BACH2: variants seen among roughly 807,000 people sequenced by gnomAD.
The protein encoded by BACH2 is BACH transcriptional regulator 2.
In BACH2, 5 loss-of-function variants were observed where a neutral mutation model predicts 61.8. That is an observed-to-expected ratio of 0.08 (90% CI 0.04 to 0.17). The LOEUF is 0.17. BACH2 is among the 10% of genes least tolerant of loss of function. The pLI is 1.00. For synonymous variants in BACH2, 446 were observed against 440.1 expected (o/e 1.01, Z -0.17); for missense variants, 824 against 1,091.1 (o/e 0.76, Z 3.45).
chr6:90,231,802 C>G (rs940572336), intron 3 of BACH2, among the ~76,000 whole-genome samples: 14 of 152,146 alleles, frequency 9.2e-5, no homozygotes, highest in African/African-American at 3.4e-4. Flanking sequence ...TGGGCTGGTC[C>G]TCAAAGTGAG....
At chr6:90,113,711 G>C (rs1268138816) in intron 4 of BACH2, among the ~76,000 whole-genome samples, 2 of 151,082 alleles carry the variant, frequency 1.3e-5, no homozygotes, top group East Asian at 3.9e-4. Flanking sequence ...ATTGAGACAT[G>C]AAAATTCAAA....
intron 5 of BACH2, among the ~76,000 whole-genome samples, chr6:90,030,162 C>T (rs1184489025): frequency 6.6e-6 from 1 of 152,162 alleles, no homozygotes; most frequent in Admixed American, 6.5e-5. Context: ...TCTGATCCCA[C>T]CCCCTTATGT....
rs1384497232 is a variant in BACH2 at position 89,932,512 on chromosome 6, C to T, written c.2422G>A (p.Gly808Arg). The change falls in exon 9 of 9, where the codon GGA becomes AGA. Residue 808 changes from glycine to arginine, a missense_variant. Physicochemically the swap from Gly to Arg is moderately radical, Grantham distance 125. Coordinates refer to ENST00000257749, the MANE Select transcript of BACH2 (RefSeq NM_021813.4). ...GTDPGTFSER[G>R]PPLEPRSQTV... ...TGGCTCCTGGGTTCAAGAGGAGGTC[C>T]TCTCTCTGAGAAGGTTCCCGGGTCA... is the stretch of plus-strand genomic sequence containing the variant. 6.2e-7 allele frequency: 1 copy of T among 1,614,060 alleles called. No homozygotes were observed. The highest frequency in any genetic ancestry group is 2.2e-5 in the East Asian group (1 of 44,870).
intron 3 of BACH2, among the ~76,000 whole-genome samples, chr6:90,247,678 C>A (rs1046414019): frequency 3.3e-5 from 5 of 152,096 alleles, no homozygotes; most frequent in African/African-American, 1.2e-4. Context: ...AGTCTAATTT[C>A]TTCTTATTCA....
At chr6:90,253,732 G>T (rs142538444) in intron 2 of BACH2, among the ~76,000 whole-genome samples, 314 of 152,238 alleles carry the variant, frequency 2.1e-3, no homozygotes, top group African/African-American at 7.3e-3. Flanking sequence ...CCTCGTGGAA[G>T]AATCCAAGTG....
chr6:90,196,545 C>T (rs956934099), intron 4 of BACH2, among the ~76,000 whole-genome samples: 3 of 152,136 alleles, frequency 2.0e-5, no homozygotes, highest in Non-Finnish European at 2.9e-5. Context: ...TCCCAAATGC[C>T]GTAATCCCAG....
chr6:90,207,218 C>T (rs977991580), intron 3 of BACH2, among the ~76,000 whole-genome samples: 3 of 151,966 alleles, frequency 2.0e-5, no homozygotes, highest in Non-Finnish European at 2.9e-5. Context: ...TTCTCGGCTA[C>T]AGTGATCCTC....
At chr6:90,157,932 A>G (rs1408242746) in intron 4 of BACH2, among the ~76,000 whole-genome samples, 1 of 152,200 alleles carries the variant, frequency 6.6e-6, no homozygotes, top group Non-Finnish European at 1.5e-5. Flanking sequence ...TGAAATAATT[A>G]TACAAATAAA....
At chr6:90,163,706 T>C (rs1767491518) in intron 4 of BACH2, among the ~76,000 whole-genome samples, 1 of 152,242 alleles carries the variant, frequency 6.6e-6, no homozygotes, top group Non-Finnish European at 1.5e-5. Flanking sequence ...ACTTTGGGAA[T>C]GAGGCGTTCT....
intron 3 of BACH2, among the ~76,000 whole-genome samples, chr6:90,229,019 A>G (rs1770006126): frequency 6.6e-6 from 1 of 152,194 alleles, no homozygotes; most frequent in Non-Finnish European, 1.5e-5. Context: ...AGTGAGTTCT[A>G]TCCATGAGGT....
chr6:90,278,113 G>T (rs1032106028), intron 1 of BACH2, among the ~76,000 whole-genome samples: 1 of 152,244 alleles, frequency 6.6e-6, no homozygotes, highest in Non-Finnish European at 1.5e-5. Context: ...TTTCGGAAGA[G>T]TGTCAAGATA....
At chr6:90,025,493 C>A (rs1778590105) in intron 5 of BACH2, among the ~76,000 whole-genome samples, 2 of 152,182 alleles carry the variant, frequency 1.3e-5, no homozygotes, top group African/African-American at 4.8e-5. Flanking sequence ...TTCCTATTAG[C>A]ATGTGCTTCA....
chr6:90,037,730 C>T (rs1779329366), intron 5 of BACH2, among the ~76,000 whole-genome samples: 1 of 152,228 alleles, frequency 6.6e-6, no homozygotes, highest in South Asian at 2.1e-4. Context: ...CCCTAACCTC[C>T]TGTAGCTCAG....
chr6:90,249,260 G>A (rs1263960517), intron 3 of BACH2, among the ~76,000 whole-genome samples: 2 of 152,154 alleles, frequency 1.3e-5, no homozygotes, highest in Non-Finnish European at 2.9e-5. Flanking sequence ...CTTGCTCTTA[G>A]TTACAGACAG....
At chr6:90,156,819 G>A (rs1181371097) in intron 4 of BACH2, among the ~76,000 whole-genome samples, 1 of 151,992 alleles carries the variant, frequency 6.6e-6, no homozygotes, top group Non-Finnish European at 1.5e-5. Flanking sequence ...AGAAAAGTAG[G>A]GTCTAAAATA....
rs55909084 is a variant in BACH2, at chr6:89,930,114, GACACACACACACACACACACACACAC to G, written c.*2268_*2293del. ...CAGAGCTTTATCAAGATCTGTTTCA[GACACACACACACACACACACACACAC>G]ACACACACACACACACACACACACA... On this transcript the variant is annotated 3_prime_UTR_variant, in exon 9 of 9. Transcript: ENST00000257749. 16 of 118,954 alleles carry G rather than the reference GACACACACACACACACACACACACAC, an allele frequency of 1.3e-4. No individual in the cohort carries two copies. The highest frequency in any genetic ancestry group is 5.8e-4 in the South Asian group (2 of 3,444). The allele number at this position is 118,954 out of a possible 1,614,324, so 7.4% of individuals were successfully genotyped here.
intron 8 of BACH2, among the ~76,000 whole-genome samples, chr6:89,933,212 T>C (rs928034187): frequency 6.6e-6 from 1 of 152,146 alleles, no homozygotes; most frequent in Non-Finnish European, 1.5e-5. Flanking sequence ...TTGGGGTTTG[T>C]AGAGAGTTAA....
At chr6:89,988,069 A>G (rs1409257869) in intron 6 of BACH2, among the ~76,000 whole-genome samples, 1 of 152,232 alleles carries the variant, frequency 6.6e-6, no homozygotes, top group African/African-American at 2.4e-5. Flanking sequence ...TGCTGAGATC[A>G]TGAACAATTT....
intron 4 of BACH2, among the ~76,000 whole-genome samples, chr6:90,157,163 TGAA>T (rs1212451850): frequency 6.6e-6 from 1 of 152,150 alleles, no homozygotes; most frequent in Non-Finnish European, 1.5e-5. Flanking sequence ...GGGCAAGAGG[TGAA>T]GAAGAATACG....
Sources: gnomAD v4.1 joint callset for allele counts (sites outside exome capture counted in the v4.1 genomes callset) on GRCh38, gnomAD v4.1.1 for gene constraint, MANE v1.5 for transcripts, NCBI Gene and HGNC (gene_info 2026-07-23, HGNC 2026-07-21) for gene names.